The following SEPHS1 variants were observed in gnomAD, a reference collection of about 807,000 sequenced individuals.
SEPHS1 encodes selenophosphate synthetase 1.
Under a neutral mutation model 39.2 loss-of-function variants are expected in SEPHS1, and 7 were observed. The observed-to-expected ratio is 0.18, with a 90% CI of 0.10 to 0.34. SEPHS1 has a LOEUF of 0.34. SEPHS1 is among the 10% of genes least tolerant of loss of function. SEPHS1 has a pLI of 1.00. For synonymous variants in SEPHS1, 190 were observed against 195.5 expected (o/e 0.97, Z 0.23); for missense variants, 253 against 514.5 (o/e 0.49, Z 4.92).
At chr10:13,319,525 G>GT (rs940480249) in intron 8 of SEPHS1, among the ~76,000 whole-genome samples, 169 bp from the exon 9 acceptor site, 2 of 152,158 alleles carry the variant, frequency 1.3e-5, no homozygotes, top group Non-Finnish European at 1.5e-5. Flanking sequence ...GTCTCACTCT[G>GT]TGGCCCAAGC....
chr10:13,321,040 C>G (rs1833095894), intron 8 of SEPHS1, among the ~76,000 whole-genome samples: 1 of 152,086 alleles, frequency 6.6e-6, no homozygotes, highest in Non-Finnish European at 1.5e-5. Context: ...GAAGCGTCCT[C>G]TATAAAGGCG....
Position 13,336,201 on chromosome 10 carries a change from G to T in SEPHS1, c.405+42C>A, listed in dbSNP as rs761279323. 1.6e-5 allele frequency: 22 copies of T among 1,408,338 alleles called. No homozygotes were observed. In the South Asian group the frequency reaches 2.2e-4, roughly 14 times the overall value. The allele number at this position is 1,408,338 out of a possible 1,614,324, so 87.2% of individuals were successfully genotyped here. Reference sequence around the variant, plus strand: ...CTAACCAAGGCCAGAGATGCCACCGGGACAACACGGACCAGGCAGCAGCCG... The same window carrying T: ...CTAACCAAGGCCAGAGATGCCACCGTGACAACACGGACCAGGCAGCAGCCG... On this transcript the variant is annotated intron_variant, in intron 4 of 8. Transcript: ENST00000327347.
At chr10:13,341,658 A>G (rs911455864) in intron 2 of SEPHS1, among the ~76,000 whole-genome samples, 9 of 152,226 alleles carry the variant, frequency 5.9e-5, no homozygotes, top group African/African-American at 9.6e-5. Context: ...ATTAGAAAAA[A>G]GTTAAAAACA....
Position 13,328,380 on chromosome 10 carries a change from A to T in SEPHS1, c.722T>A (p.Met241Lys). 1 of 1,613,810 alleles carries T rather than the reference A, an allele frequency of 6.2e-7. No homozygotes were observed. The highest frequency in any genetic ancestry group is 8.5e-7 in the Non-Finnish European group (1 of 1,179,758). ...CCTGTTGAGCCTCGCCATGTTCATC[A>T]TCGCCTCCTGGTAGGCCAGCTCTAC... is the stretch of plus-strand genomic sequence containing the variant. ...EDVELAYQEA[M>K]MNMARLNRTA... The change falls in exon 7 of 9, where the codon ATG (methionine) becomes AAG (lysine). Residue 241 changes from methionine to lysine, a missense_variant. By Grantham distance (95) the Met-to-Lys change is moderately conservative. Around this residue, in one of 4 missense-constraint regions of SEPHS1, gnomAD observed 107 missense variants for 257.1 expected, o/e 0.42. Coordinates refer to ENST00000327347, the MANE Select transcript of SEPHS1 (RefSeq NM_012247.5).
intron 2 of SEPHS1, 146 bp downstream of exon 2, chr10:13,344,612 T>C: frequency 1.8e-6 from 1 of 543,706 alleles, no homozygotes; most frequent in Non-Finnish European, 3.2e-6. Context: ...TATATTCATG[T>C]AACAAAACTG....
At chr10:13,326,699 C>T in intron 7 of SEPHS1, among the ~76,000 whole-genome samples, 1 of 151,880 alleles carries the variant, frequency 6.6e-6, no homozygotes, top group East Asian at 1.9e-4. Flanking sequence ...AGGAATGCAC[C>T]AGGCGCAGCT....
intron 4 of SEPHS1, among the ~76,000 whole-genome samples, chr10:13,335,943 A>G: frequency 6.7e-6 from 1 of 149,002 alleles, no homozygotes. Context: ...TTGCGCCACT[A>G]CACTCCAGCC....
At chr10:13,326,415 G>A (rs1375365926) in intron 7 of SEPHS1, among the ~76,000 whole-genome samples, 4 of 151,400 alleles carry the variant, frequency 2.6e-5, no homozygotes, top group African/African-American at 4.9e-5. Context: ...CGGAGGTTGC[G>A]GTGAGCCAAG....
rs1833992681 is a variant in SEPHS1, at chr10:13,348,133, G to GGGGCCCGGGCCCGCGCCTGGGCGCCGC, written c.-239_-213dup. On this transcript the variant is annotated 5_prime_UTR_variant, in exon 1 of 9. Coordinates refer to ENST00000327347, the MANE Select transcript of SEPHS1 (RefSeq NM_012247.5). ...GCGCCCGGCGGCGGCGGCGGCGGCGGGGGCCCGGGCCCGCGCCTGGGCGCC... is the reference window on the plus strand; with the variant it reads ...GCGCCCGGCGGCGGCGGCGGCGGCGGGGGCCCGGGCCCGCGCCTGGGCGCCGCGGGCCCGGGCCCGCGCCTGGGCGCC... 4 of 145,174 alleles carry GGGGCCCGGGCCCGCGCCTGGGCGCCGC rather than the reference G, an allele frequency of 2.8e-5. No homozygotes were observed. The highest frequency in any genetic ancestry group is 3.1e-5 in the Non-Finnish European group (2 of 65,438). The allele number at this position is 145,174 out of a possible 1,614,324, so 9.0% of individuals were successfully genotyped here.
intron 8 of SEPHS1, among the ~76,000 whole-genome samples, chr10:13,321,641 C>T (rs1833120543): frequency 6.6e-6 from 1 of 152,040 alleles, no homozygotes. Context: ...AAGGGAAAAA[C>T]AGGGAGACTT....
chr10:13,329,870 T>C, intron 5 of SEPHS1, 82 bp from the exon 6 acceptor site: 1 of 1,177,966 alleles, frequency 8.5e-7, no homozygotes, highest in East Asian at 2.6e-5. Flanking sequence ...GAAGGAATAA[T>C]CTGTCAAAAA....
At chr10:13,344,484 C>A (rs1326596197) in intron 2 of SEPHS1, among the ~76,000 whole-genome samples, 1 of 151,784 alleles carries the variant, frequency 6.6e-6, no homozygotes, top group Non-Finnish European at 1.5e-5. Context: ...ACATAGCAAT[C>A]ATAACATTGA....
intron 5 of SEPHS1, 56 bp from the exon 6 acceptor site, chr10:13,329,844 T>C: frequency 7.5e-7 from 1 of 1,335,980 alleles, no homozygotes; most frequent in South Asian, 1.3e-5. Context: ...ATGAGCTCAT[T>C]GTTATTAACA....
chr10:13,324,870 G>A (rs1833221027), intron 7 of SEPHS1, among the ~76,000 whole-genome samples: 1 of 152,210 alleles, frequency 6.6e-6, no homozygotes, highest in African/African-American at 2.4e-5. Context: ...CAGGTATGTG[G>A]TGGCATCTCA....
chr10:13,322,265 C>T (rs1833140637), intron 8 of SEPHS1, among the ~76,000 whole-genome samples: 1 of 151,834 alleles, frequency 6.6e-6, no homozygotes, highest in South Asian at 2.1e-4. Flanking sequence ...GCTCAGCCTC[C>T]CAAGCAGCTG....
intron 2 of SEPHS1, among the ~76,000 whole-genome samples, chr10:13,341,557 G>T (rs1218976537): frequency 6.6e-6 from 1 of 152,092 alleles, no homozygotes; most frequent in East Asian, 1.9e-4. Flanking sequence ...CTTTAATTAG[G>T]ATACATTTAG....
At chr10:13,334,510 C>T (rs1833566401) in intron 4 of SEPHS1, among the ~76,000 whole-genome samples, 1 of 152,038 alleles carries the variant, frequency 6.6e-6, no homozygotes, top group African/African-American at 2.4e-5. Flanking sequence ...CACTGCACTC[C>T]AGCCCTGGGC....
rs539478178 is a variant in SEPHS1, at chr10:13,323,325, C to T, written c.752-278G>A. On this transcript the variant is annotated intron_variant, in intron 7 of 8. Transcript: ENST00000327347. ...ATTATGATCTCAGTGGAAGGTAAAC[C>T]GGCCAAGACCATCCTAAAACCAAAG... Among the ~76,000 whole-genome samples the T allele has an allele frequency of 5.9e-5, 9 of 152,128 alleles. No individual in the cohort carries two copies. The South Asian group carries it at 1.5e-3, about 25-fold the overall frequency.
At chr10:13,328,711 G>T (rs1209013845) in intron 6 of SEPHS1, among the ~76,000 whole-genome samples, 1 of 152,168 alleles carries the variant, frequency 6.6e-6, no homozygotes, top group Non-Finnish European at 1.5e-5. Context: ...GTAGTCTAGC[G>T]GGACACACGG....
Sources: gnomAD v4.1 joint callset for allele counts (sites outside exome capture counted in the v4.1 genomes callset) on GRCh38, gnomAD v4.1.1 for gene constraint, gnomAD v4.1.1 regional missense constraint, MANE v1.5 for transcripts, NCBI Gene and HGNC (gene_info 2026-07-23, HGNC 2026-07-21) for gene names.